PROX2: variants seen among roughly 807,000 people sequenced by gnomAD.
The protein encoded by PROX2 is prospero homeobox protein 2.
In PROX2, 46 loss-of-function variants were observed where a neutral mutation model predicts 48.9. The ratio of observed to expected loss-of-function variants is 0.94; its 90% CI spans 0.74 to 1.20. The LOEUF (loss-of-function observed/expected upper bound fraction) is 1.20. PROX2 is among the 50% of genes most tolerant of loss of function. The probability of loss-of-function intolerance (pLI) is 0.00; values close to 1 mark genes in which losing one functional copy is unlikely to be tolerated. For synonymous variants in PROX2, 260 were observed against 276.6 expected, an observed-to-expected ratio of 0.94 and a Z score of 0.60; for missense variants, 663 against 719.4, an observed-to-expected ratio of 0.92 and a Z score of 0.90.
In PROX2 at chr14:74,864,029, A is replaced by C. The variant is rs1594861748; in HGVS notation, c.-174-21T>G. The C allele has an allele frequency of 1.2e-5, 6 of 508,890 alleles. No individual in the cohort carries two copies. The East Asian group carries it at 2.1e-4, about 18-fold the overall frequency. The allele number at this position is 508,890 out of a possible 1,614,324, so 31.5% of individuals were successfully genotyped here. A position where few individuals can be genotyped will look rare whatever the true frequency, so the allele number is the denominator to read the frequency against. Reference sequence around the variant, plus strand: ...GACTCCTGAAATTAGAGACAGGAAGAAAAGAGTACGTGTGACTTTGAACAG... The same window carrying C: ...GACTCCTGAAATTAGAGACAGGAAGCAAAGAGTACGTGTGACTTTGAACAG... On this transcript the variant is annotated intron_variant, in intron 2 of 5. Coordinates refer to ENST00000556489, the MANE Select transcript of PROX2 (RefSeq NM_001243007.2).
At position 74,855,017 on chromosome 14, in the gene PROX2, G is replaced by T; in HGVS notation, c.*115C>A. On this transcript the variant is annotated 3_prime_UTR_variant, in exon 6 of 6. Transcript: ENST00000556489. The stretch of plus-strand genomic sequence containing the variant: ...AATGGTAATAGTACCTGTTTTGATA[G>T]AGGAGATTTCCTTGTGCCCTTTTTA... The T allele has an allele frequency of 1.7e-6, 1 of 576,130 alleles. No individual in the cohort carries two copies. Among genetic ancestry groups the T allele is most frequent in the Non-Finnish European group, 2.9e-6 (1 of 350,250 alleles). The allele number at this position is 576,130 out of a possible 1,614,324, so 35.7% of individuals were successfully genotyped here. A position where few individuals can be genotyped will look rare whatever the true frequency, so the allele number is the denominator to read the frequency against.
At chr14:74,858,737 G>A in intron 3 of PROX2, 2 of 481,314 alleles carry the variant, frequency 4.2e-6, no homozygotes, top group Admixed American at 3.4e-5. Context: ...ATGTGGAAAA[G>A]TTATGTAGCA....
At chr14:74,867,149 C>T (rs1443540241) in intron 2 of PROX2, among the ~76,000 whole-genome samples, 3 of 152,212 alleles carry the variant, frequency 2.0e-5, no homozygotes, top group Non-Finnish European at 2.9e-5. Context: ...GTAGCTAGCT[C>T]TGCTTATGCC....
chr14:74,874,543 G>A lies in PROX2; in HGVS notation c.-310+1352C>T, dbSNP rs533875173. ...TGGGATTACAGGCGTGAGCCACCGC[G>A]CCCGGCCTATACAAATTTCCTAAAA... On this transcript the variant is annotated intron_variant, in intron 1 of 5. Transcript: ENST00000556489. Among the ~76,000 whole-genome samples the A allele has an allele frequency of 1.8e-4, 28 of 152,100 alleles. No individual in the cohort carries two copies. The South Asian group carries it at 5.0e-3, about 27-fold the overall frequency.
At position 74,863,191 on chromosome 14, in the gene PROX2, A is replaced by C; in HGVS notation, c.644T>G (p.Leu215Arg). Reference protein sequence around the residue: ...KHQESEKPSFLPSGAPASLEI... With the variant: ...KHQESEKPSFRPSGAPASLEI... ...TAGTGAAGCTGGTGCTCCAGAAGGA[A>C]GGAAACTGGGCTTCTCAGACTCTTG... The change falls in exon 3 of 6, where the codon CTT (leucine) becomes CGT (arginine). Residue 215 changes from leucine (L) to arginine (R), a missense_variant. Leu to Arg is a moderately radical substitution (Grantham distance 102). Transcript: ENST00000556489. The C allele has an allele frequency of 6.2e-7, 1 of 1,614,034 alleles. No individual in the cohort carries two copies. Among genetic ancestry groups the C allele is most frequent in the Non-Finnish European group, 8.5e-7 (1 of 1,179,878 alleles).
intron 3 of PROX2, chr14:74,861,065 T>A: frequency 2.3e-6 from 1 of 439,134 alleles, no homozygotes; most frequent in Non-Finnish European, 4.4e-6. Context: ...AGGAAAGCTT[T>A]GGGGTGTTTC....
Position 74,863,256 on chromosome 14 carries a change from C to G in PROX2, c.579G>C (p.Gln193His), listed in dbSNP as rs1056192288. Residue 193 changes from glutamine to histidine, a missense_variant, in exon 3 of 6, where the codon CAG (glutamine) becomes CAC (histidine). By Grantham distance (24) the Gln-to-His change is conservative. Transcript: ENST00000556489. ...CAGAGAGGTCCTTGCTGGTACCTTG[C>G]TGGTGGTCACCGTCCACAACCCAGG... is the stretch of plus-strand genomic sequence containing the variant. Reference protein sequence around the residue: ...PRPWVVDGDHQQGTSKDLSGA... With the variant: ...PRPWVVDGDHHQGTSKDLSGA... 1 of 1,613,738 alleles carries G rather than the reference C, an allele frequency of 6.2e-7. No individual in the cohort carries two copies. The highest frequency in any genetic ancestry group is 1.3e-5 in the African/African-American group (1 of 74,940).
At chr14:74,855,839 G>C (rs2091738814) in intron 5 of PROX2, 1 of 152,334 alleles carries the variant, frequency 6.6e-6, no homozygotes, top group Admixed American at 6.5e-5. Context: ...TCCAGACCCA[G>C]CTTGGCTTGG....
intron 3 of PROX2, 101 bp from the exon 4 acceptor site, chr14:74,858,615 T>C (rs1212951011): frequency 7.1e-6 from 5 of 706,238 alleles, no homozygotes; most frequent in Non-Finnish European, 1.2e-5. Context: ...TCATTTTGTT[T>C]TTCTGATTGG....
intron 3 of PROX2, among the ~76,000 whole-genome samples, chr14:74,862,016 A>T (rs1306734392): frequency 6.6e-6 from 1 of 152,198 alleles, no homozygotes; most frequent in Non-Finnish European, 1.5e-5. Flanking sequence ...CCAAAGGAAT[A>T]AGTCAAGTGG....
intron 4 of PROX2, 157 bp downstream of exon 4, chr14:74,858,250 G>C: frequency 1.9e-6 from 1 of 533,450 alleles, no homozygotes; most frequent in Non-Finnish European, 3.4e-6. Context: ...GGTTATTTGG[G>C]TAGAGTCTCA....
intron 4 of PROX2, chr14:74,857,270 T>C (rs1396875983): frequency 3.1e-6 from 1 of 324,920 alleles, no homozygotes; most frequent in Admixed American, 4.3e-5. Context: ...AAGCTTTTTG[T>C]GGTGTTTGAG....
At chr14:74,870,470 G>A (rs1008769660) in intron 2 of PROX2, among the ~76,000 whole-genome samples, 43 of 51,804 alleles carry the variant, frequency 8.3e-4, no homozygotes, top group African/African-American at 3.2e-3. Context: ...ACACACACAC[G>A]CCCATACATT....
intron 3 of PROX2, chr14:74,861,208 C>T: frequency 7.4e-7 from 1 of 1,352,918 alleles, no homozygotes; most frequent in Non-Finnish European, 9.8e-7. Flanking sequence ...CGACTGTTCC[C>T]ACCTGGATAT....
chr14:74,858,496 G>T lies in PROX2; in HGVS notation c.1324C>A (p.Pro442Thr). The change falls in exon 4 of 6, where the codon CCT (proline) becomes ACT (threonine). Residue 442 changes from proline to threonine, a missense_variant. Pro to Thr is a conservative substitution (Grantham distance 38, BLOSUM62 -1). Coordinates refer to ENST00000556489, the MANE Select transcript of PROX2 (RefSeq NM_001243007.2). ...SLVHIQEGLN[P>T]GHLKKAKLMF... is the part of the protein sequence containing the mutation. ...AGTTTGGCCTTCTTCAAGTGACCAGGGTTTAGACCCTCCTGGATTTATCTC... is the reference window on the plus strand; with the variant it reads ...AGTTTGGCCTTCTTCAAGTGACCAGTGTTTAGACCCTCCTGGATTTATCTC... The T allele has an allele frequency of 6.4e-7, 1 of 1,574,074 alleles. No homozygotes were observed. The highest frequency in any genetic ancestry group is 2.3e-5 in the East Asian group (1 of 43,464).
rs200363606 is a variant in PROX2 at position 74,863,599 on chromosome 14, G to A, written c.236C>T (p.Pro79Leu). Residue 79 changes from proline to leucine, a missense_variant, in exon 3 of 6, where the codon CCG (proline) becomes CTG (leucine). Transcript: ENST00000556489. ...ETIVRGMCLSPNPLVPGNAQA... is the reference protein window; with the variant it reads ...ETIVRGMCLSLNPLVPGNAQA... Reference sequence around the variant, plus strand: ...CGCATTGCCTGGCACCAGAGGATTCGGGGAGAGACACATGCCTCGGACAAT... The same window carrying A: ...CGCATTGCCTGGCACCAGAGGATTCAGGGAGAGACACATGCCTCGGACAAT... 1,146 of 1,609,360 alleles carry A rather than the reference G, an allele frequency of 7.1e-4. 13 individuals are homozygous for A. In the South Asian group the frequency reaches 9.6e-3, roughly 14 times the overall value.
intron 3 of PROX2, among the ~76,000 whole-genome samples, chr14:74,862,182 T>TG: frequency 6.6e-6 from 1 of 152,294 alleles, no homozygotes; most frequent in South Asian, 2.1e-4. Flanking sequence ...GTTTTCTTGT[T>TG]TCTCTGCACA....
At position 74,862,525 on chromosome 14, in the gene PROX2, G is replaced by A; in HGVS notation, c.1305+5C>T. 1 of 1,609,718 alleles carries A rather than the reference G, an allele frequency of 6.2e-7. No homozygotes were observed. The highest frequency in any genetic ancestry group is 1.3e-5 in the African/African-American group (1 of 74,982). On this transcript the variant is annotated splice_donor_5th_base_variant and intron_variant, in intron 3 of 5. Transcript: ENST00000556489. ...ATGAGAACTTCAATTGCTATTAAAG[G>A]ATATGTGGACCAAAGAGAAAGGCAG...
In PROX2 at chr14:74,854,297, T is replaced by G; in HGVS notation, c.*835A>C. ...GCAACACTCAAGTCCTGCATAAAGT[T>G]TGTCTTGAGTTTGCTGAAATGATCA... On this transcript the variant is annotated 3_prime_UTR_variant, in exon 6 of 6. Coordinates refer to ENST00000556489, the MANE Select transcript of PROX2 (RefSeq NM_001243007.2). 1 of 452,448 alleles carries G rather than the reference T, an allele frequency of 2.2e-6. No individual in the cohort carries two copies. Among genetic ancestry groups the G allele is most frequent in the South Asian group, 1.7e-5 (1 of 60,320 alleles). 28.0% of individuals were successfully genotyped at this position (452,448 alleles called of 1,614,324 possible).
Sources: allele counts gnomAD v4.1 joint callset (sites outside exome capture counted in the v4.1 genomes callset), GRCh38; gene constraint gnomAD v4.1.1; transcripts MANE v1.5; gene names NCBI Gene and HGNC (gene_info 2026-07-23, HGNC 2026-07-21).